ERBB4: variants seen among roughly 807,000 people sequenced by gnomAD.
ERBB4 encodes the protein erb-b2 receptor tyrosine kinase 4.
Under a neutral mutation model 158.0 loss-of-function variants are expected in ERBB4, and 42 were observed. The ratio of observed to expected loss-of-function variants is 0.27; its 90% CI spans 0.21 to 0.34. ERBB4 has a LOEUF of 0.34. Among genes scored for constraint, ERBB4 ranks in the 10% least tolerant of loss-of-function variants. ERBB4 has a pLI of 1.00. For missense variants in ERBB4, 1,333 were observed against 1,624.1 expected (o/e 0.82, Z 3.08); for synonymous variants, 583 against 558.7 (o/e 1.04, Z -0.61).
intron 3 of ERBB4, among the ~76,000 whole-genome samples, chr2:211,905,371 G>A (rs2079351212): frequency 6.6e-6 from 1 of 151,790 alleles, no homozygotes; most frequent in African/African-American, 2.4e-5. Flanking sequence ...AGATGATGCA[G>A]GATAACCTTT....
chr2:211,717,446 A>C (rs6758038), intron 7 of ERBB4, among the ~76,000 whole-genome samples: 1 of 151,974 alleles, frequency 6.6e-6, no homozygotes, highest in Non-Finnish European at 1.5e-5. Flanking sequence ...TATATACATA[A>C]AGAAGTCAAA....
chr2:211,535,210 T>G (rs2066612769), intron 20 of ERBB4, among the ~76,000 whole-genome samples: 1 of 152,008 alleles, frequency 6.6e-6, no homozygotes, highest in Non-Finnish European at 1.5e-5. Context: ...AAAATGAAAT[T>G]TATTCTAAGA....
chr2:212,109,301 G>C (rs1001273300), intron 2 of ERBB4, among the ~76,000 whole-genome samples: 1 of 152,140 alleles, frequency 6.6e-6, no homozygotes, highest in Admixed American at 6.5e-5. Flanking sequence ...TGCTCTGATT[G>C]TTAGCAAAAC....
chr2:211,435,332 C>T (rs2063826386), intron 20 of ERBB4, among the ~76,000 whole-genome samples: 1 of 152,134 alleles, frequency 6.6e-6, no homozygotes, highest in South Asian at 2.1e-4. Flanking sequence ...TGACCCAGTA[C>T]TTAGAACACA....
At chr2:212,003,216 G>GACAGAAA (rs1491317567) in intron 2 of ERBB4, among the ~76,000 whole-genome samples, 13 of 34,488 alleles carry the variant, frequency 3.8e-4, no homozygotes, top group East Asian at 1.1e-3. Flanking sequence ...ACAGAAAGAA[G>GACAGAAA]GAAGGAAGGA....
intron 1 of ERBB4, among the ~76,000 whole-genome samples, chr2:212,194,083 T>C (rs900399437): frequency 6.6e-6 from 1 of 152,014 alleles, no homozygotes. Flanking sequence ...ATTTGCAGCA[T>C]AAATGCTAAT....
At chr2:212,056,571 G>C (rs570235872) in intron 2 of ERBB4, among the ~76,000 whole-genome samples, 14 of 152,330 alleles carry the variant, frequency 9.2e-5, no homozygotes, top group African/African-American at 3.4e-4. Flanking sequence ...CAGACTAACA[G>C]TGGATCTCTT....
intron 17 of ERBB4, among the ~76,000 whole-genome samples, chr2:211,627,693 G>C (rs1008376948): frequency 6.6e-6 from 1 of 152,106 alleles, no homozygotes; most frequent in African/African-American, 2.4e-5. Context: ...AACAACAAAC[G>C]TTGGATAAGC....
chr2:212,500,408 T>A (rs1450536181), intron 1 of ERBB4, among the ~76,000 whole-genome samples: 1 of 152,124 alleles, frequency 6.6e-6, no homozygotes, highest in Non-Finnish European at 1.5e-5. Context: ...CCTACTCTCA[T>A]ACTGTAATAT....
At chr2:211,620,257 A>G (rs1168797452) in intron 18 of ERBB4, among the ~76,000 whole-genome samples, 1 of 152,212 alleles carries the variant, frequency 6.6e-6, no homozygotes, top group Non-Finnish European at 1.5e-5. Flanking sequence ...TAGCCCTGAC[A>G]TCAGAAAATA....
intron 2 of ERBB4, among the ~76,000 whole-genome samples, chr2:211,984,269 A>G (rs1424750219): frequency 2.0e-5 from 3 of 152,118 alleles, no homozygotes. Context: ...TCACTTCCCA[A>G]AGGCCCCACT....
intron 3 of ERBB4, among the ~76,000 whole-genome samples, chr2:211,932,117 A>G (rs1391978548): frequency 6.6e-6 from 1 of 152,062 alleles, no homozygotes; most frequent in Non-Finnish European, 1.5e-5. Flanking sequence ...TTTTGGAAAT[A>G]TTGTTTTTAT....
chr2:211,723,550 T>G (rs1278061484), intron 6 of ERBB4, among the ~76,000 whole-genome samples: 2 of 152,132 alleles, frequency 1.3e-5, no homozygotes, highest in Non-Finnish European at 2.9e-5. Flanking sequence ...CACTTTATCA[T>G]AAACATGACA....
intron 3 of ERBB4, among the ~76,000 whole-genome samples, chr2:211,837,919 G>T (rs2077376996): frequency 6.6e-6 from 1 of 152,046 alleles, no homozygotes; most frequent in African/African-American, 2.4e-5. Context: ...TTCTAATCTA[G>T]TGGGGAAGGT....
chr2:212,329,838 C>A (rs562380282), intron 1 of ERBB4, among the ~76,000 whole-genome samples: 1 of 151,998 alleles, frequency 6.6e-6, no homozygotes, highest in Non-Finnish European at 1.5e-5. Context: ...TGAAGTGCCT[C>A]CAATCCCTTT....
intron 1 of ERBB4, among the ~76,000 whole-genome samples, chr2:212,411,077 T>G (rs1378773347): frequency 6.6e-6 from 1 of 152,112 alleles, no homozygotes; most frequent in African/African-American, 2.4e-5. Context: ...GCTTAAACTA[T>G]TTCATTGTAG....
rs547729842 is a variant in ERBB4, at chr2:212,049,257, T to C, written c.234+75495A>G. On this transcript the variant is annotated intron_variant, in intron 2 of 27. Transcript: ENST00000342788. The stretch of plus-strand genomic sequence containing the variant: ...AAATAATCTTTGGGAACATCAAACA[T>C]GTAATAGGTAATATCTTTAGGGGTC... Among the ~76,000 whole-genome samples the C allele has an allele frequency of 3.9e-5, 6 of 152,322 alleles. No individual in the cohort carries two copies. In the South Asian group the frequency reaches 6.2e-4, roughly 16 times the overall value.
chr2:212,200,943 G>C (rs2082571384), intron 1 of ERBB4, among the ~76,000 whole-genome samples: 1 of 152,156 alleles, frequency 6.6e-6, no homozygotes, highest in South Asian at 2.1e-4. Flanking sequence ...CAGTTAGTCA[G>C]TAGGGTAGTG....
chr2:211,599,225 C>A (rs1160510658), intron 19 of ERBB4, among the ~76,000 whole-genome samples: 1 of 152,104 alleles, frequency 6.6e-6, no homozygotes, highest in Admixed American at 6.6e-5. Flanking sequence ...TGTGTATATA[C>A]CCTCCAGAGG....
Sources: gnomAD v4.1 joint callset for allele counts (sites outside exome capture counted in the v4.1 genomes callset) on GRCh38, gnomAD v4.1.1 for gene constraint, MANE v1.5 for transcripts, NCBI Gene and HGNC (gene_info 2026-07-23, HGNC 2026-07-21) for gene names.